The following MTMR3 variants were observed in gnomAD, a reference collection of about 807,000 sequenced individuals.
MTMR3 encodes the protein phosphatidylinositol-3,5-bisphosphate 3-phosphatase MTMR3.
In MTMR3, 32 loss-of-function variants were observed where a neutral mutation model predicts 132.4. The observed-to-expected ratio is 0.24, with a 90% CI of 0.18 to 0.32. MTMR3 has a LOEUF of 0.32. Ranked by LOEUF, MTMR3 falls within the 10% of genes least tolerant of loss-of-function variation. The pLI, the probability that MTMR3 is intolerant of heterozygous loss-of-function variation, is 1.00. For synonymous variants in MTMR3, 556 were observed against 550.3 expected, an observed-to-expected ratio of 1.01 and a Z score of -0.14; for missense variants, 1,216 against 1,489.6, an observed-to-expected ratio of 0.82 and a Z score of 3.02.
chr22:29,967,193 T>TTGTGTGTG (rs10680622), intron 2 of MTMR3, among the ~76,000 whole-genome samples: 1,951 of 141,990 alleles, frequency 0.014, 28 homozygotes, highest in African/African-American at 0.033. Flanking sequence ...TTCACCTCTG[T>TTGTGTGTG]TGTGTGTGTG....
intron 16 of MTMR3, 169 bp from the exon 17 acceptor site, chr22:30,019,311 C>T (rs989040211): frequency 2.8e-5 from 18 of 644,162 alleles, no homozygotes; most frequent in African/African-American, 2.0e-4. Context: ...GGACTTGTTC[C>T]GGAGCTTTGC....
intron 3 of MTMR3, among the ~76,000 whole-genome samples, chr22:29,974,387 G>A (rs529266317): frequency 3.3e-5 from 5 of 152,148 alleles, no homozygotes; most frequent in Non-Finnish European, 7.3e-5. Flanking sequence ...CTAATGTTAC[G>A]TCCTTGGGGA....
intron 16 of MTMR3, chr22:30,019,094 C>G (rs1160720958): frequency 5.8e-6 from 1 of 171,508 alleles, no homozygotes; most frequent in Non-Finnish European, 1.3e-5. Flanking sequence ...ATAATCCCAG[C>G]TACTCAGGAG....
At chr22:30,012,134 A>C (rs949864533) in intron 12 of MTMR3, 11 of 442,774 alleles carry the variant, frequency 2.5e-5, no homozygotes, top group Admixed American at 4.3e-5. Context: ...ATTTTGGAAC[A>C]AAAGGTGTGC....
intron 1 of MTMR3, among the ~76,000 whole-genome samples, chr22:29,891,422 G>A (rs887339089): frequency 2.7e-5 from 4 of 145,826 alleles, no homozygotes; most frequent in African/African-American, 4.9e-5. Context: ...ATATATATAT[G>A]TGTATGTATA....
At chr22:29,970,935 C>CTTT (rs34749290) in intron 2 of MTMR3, 41 bp from the exon 3 acceptor site, 182 of 443,876 alleles carry the variant, frequency 4.1e-4, no homozygotes, top group South Asian at 1.2e-3. Context: ...CTCCCCTCCT[C>CTTT]TTTTTTTTTT....
At position 30,018,014 on chromosome 22, in the gene MTMR3, G is replaced by A. The variant is rs1334729291; in HGVS notation, c.1762G>A (p.Asp588Asn). The stretch of plus-strand genomic sequence containing the variant: ...CCCATCCCCAACCACCCCTGTGGAC[G>A]ACAGCTGTGCACCATACCCAGCCCC... The part of the protein sequence containing the change: ...PCPSPTTPVD[D>N]SCAPYPAPGT... Residue 588 changes from aspartate (D) to asparagine (N), a missense_variant, in exon 16 of 20, where the codon GAC becomes AAC. Physicochemically the swap from Asp to Asn is conservative, Grantham distance 23. Coordinates refer to ENST00000401950, the MANE Select transcript of MTMR3 (RefSeq NM_021090.4). 1.3e-5 allele frequency: 21 copies of A among 1,613,758 alleles called. No homozygotes were observed. Among genetic ancestry groups the A allele is most frequent in the East Asian group, 2.2e-5 (1 of 44,882 alleles).
chr22:29,923,902 T>G (rs2145775498), intron 1 of MTMR3, among the ~76,000 whole-genome samples: 1 of 152,340 alleles, frequency 6.6e-6, no homozygotes, highest in East Asian at 1.9e-4. Flanking sequence ...TGAATTGGAT[T>G]GGTTTTTGTT....
chr22:29,994,055 TC>T (rs2067014153), intron 7 of MTMR3: 1 of 951,274 alleles, frequency 1.1e-6, no homozygotes, highest in African/African-American at 1.8e-5. Flanking sequence ...CCCAGGCTGA[TC>T]CAGGTATCCT....
intron 1 of MTMR3, among the ~76,000 whole-genome samples, chr22:29,932,153 CTT>C (rs546877586): frequency 2.9e-3 from 446 of 152,254 alleles, no homozygotes; most frequent in Middle Eastern, 6.8e-3. Flanking sequence ...CTTTTGTTCT[CTT>C]AATTATAAAA....
At chr22:29,981,324 A>G (rs11090591) in intron 5 of MTMR3, 29 of 152,224 alleles carry the variant, frequency 1.9e-4, no homozygotes, top group African/African-American at 6.5e-4. Flanking sequence ...AAAACAGTAC[A>G]CTTCTGTGTG....
At chr22:29,966,790 TGAGA>T (rs753459697) in intron 2 of MTMR3, among the ~76,000 whole-genome samples, 16 of 150,780 alleles carry the variant, frequency 1.1e-4, no homozygotes, top group South Asian at 1.1e-3. Flanking sequence ...TGTGTGTGTG[TGAGA>T]GAGAGAATGT....
rs769409665 is a variant in MTMR3 at position 30,027,993 on chromosome 22, C to T, written c.*2192C>T. On this transcript the variant is annotated 3_prime_UTR_variant, in exon 20 of 20. Coordinates refer to ENST00000401950, the MANE Select transcript of MTMR3 (RefSeq NM_021090.4). The stretch of plus-strand genomic sequence containing the variant: ...CAAAGGAAAGCTACAGATAGCCTTC[C>T]GACTCTAGACCTTGGCAAGGAGCCT... The T allele has an allele frequency of 2.6e-5, 4 of 152,288 alleles. No individual in the cohort carries two copies. The highest frequency in any genetic ancestry group is 6.5e-5 in the Admixed American group (1 of 15,272). 9.4% of individuals were successfully genotyped at this position (152,288 alleles called of 1,614,324 possible).
At chr22:29,896,934 C>T (rs1248903897) in intron 1 of MTMR3, among the ~76,000 whole-genome samples, 1 of 147,084 alleles carries the variant, frequency 6.8e-6, no homozygotes, top group Non-Finnish European at 1.5e-5. Flanking sequence ...ATAGAATCTA[C>T]AAAGCCTGTC....
intron 2 of MTMR3, among the ~76,000 whole-genome samples, chr22:29,958,065 A>G (rs1417905990): frequency 6.6e-6 from 1 of 151,970 alleles, no homozygotes; most frequent in East Asian, 1.9e-4. Flanking sequence ...CTTGGAACAT[A>G]TTCCCCGAGG....
chr22:29,884,058 A>G (rs977025989), intron 1 of MTMR3, among the ~76,000 whole-genome samples: 50 of 152,266 alleles, frequency 3.3e-4, no homozygotes, highest in Middle Eastern at 3.4e-3. Context: ...TGTATTTTGG[A>G]CTGGAAAACT....
rs189956899 is a variant in MTMR3, at chr22:29,922,782, G to A, written c.-137-34254G>A. On this transcript the variant is annotated intron_variant, in intron 1 of 19. Transcript: ENST00000401950. ...TACATTCCTACCAGCAATGCACAAGGATCCACACAACCCAGCCAGCACTTA... is the reference window on the plus strand; with the variant it reads ...TACATTCCTACCAGCAATGCACAAGAATCCACACAACCCAGCCAGCACTTA... Among the ~76,000 whole-genome samples the A allele has an allele frequency of 1.0e-3, 153 of 151,966 alleles. 2 individuals are homozygous for A. The South Asian group carries it at 0.016, about 16-fold the overall frequency.
intron 3 of MTMR3, among the ~76,000 whole-genome samples, chr22:29,975,349 C>T (rs1428227438): frequency 6.6e-6 from 1 of 152,064 alleles, no homozygotes; most frequent in Non-Finnish European, 1.5e-5. Flanking sequence ...AAATATTTTT[C>T]CTCATCCAAA....
chr22:29,938,255 G>A (rs562169817), intron 1 of MTMR3, among the ~76,000 whole-genome samples: 1 of 152,266 alleles, frequency 6.6e-6, no homozygotes, highest in African/African-American at 2.4e-5. Flanking sequence ...CATGCTTTGC[G>A]TAAAGAAACC....
Sources: allele counts gnomAD v4.1 joint callset (sites outside exome capture counted in the v4.1 genomes callset), GRCh38; gene constraint gnomAD v4.1.1; transcripts MANE v1.5; gene names NCBI Gene and HGNC (gene_info 2026-07-23, HGNC 2026-07-21).